TLN2: variants seen among roughly 807,000 people sequenced by gnomAD.
The protein encoded by TLN2 is talin 2, also known as talin-2.
In TLN2, 118 loss-of-function variants were observed where a neutral mutation model predicts 294.7. The observed-to-expected ratio is 0.40, with a 90% CI of 0.34 to 0.47. The LOEUF (loss-of-function observed/expected upper bound fraction) is 0.47. Ranked by LOEUF, TLN2 falls within the 20% of genes least tolerant of loss-of-function variation. The pLI, the probability that TLN2 is intolerant of heterozygous loss-of-function variation, is 0.84. For missense variants in TLN2, 3,083 were observed against 3,282.2 expected (o/e 0.94, Z 1.48); for synonymous variants, 1,431 against 1,304.5 (o/e 1.10, Z -2.09).
intron 1 of TLN2, among the ~76,000 whole-genome samples, chr15:62,477,891 G>C (rs112456246): frequency 6.7e-6 from 1 of 148,942 alleles, no homozygotes; most frequent in South Asian, 2.2e-4. Context: ...GGCAGGTGGT[G>C]GGGGGGATGG....
chr15:62,790,853 G>T (rs890434653), intron 45 of TLN2, among the ~76,000 whole-genome samples: 1 of 152,234 alleles, frequency 6.6e-6, no homozygotes, highest in African/African-American at 2.4e-5. Context: ...CGCCTCAGCG[G>T]CAGCCATACT....
At chr15:62,594,067 A>C (rs149154354) in intron 2 of TLN2, among the ~76,000 whole-genome samples, 12 of 152,372 alleles carry the variant, frequency 7.9e-5, no homozygotes, top group Non-Finnish European at 1.5e-4. Flanking sequence ...GCATTATACT[A>C]CCTTACCTCA....
At chr15:62,603,032 A>G (rs749711513) in intron 2 of TLN2, among the ~76,000 whole-genome samples, 31 of 152,004 alleles carry the variant, frequency 2.0e-4, no homozygotes, top group Non-Finnish European at 2.5e-4. Flanking sequence ...AGCTGGGACT[A>G]CAAGCGCCAG....
At chr15:62,795,802 T>TAGGA (rs1235221990) in intron 46 of TLN2, among the ~76,000 whole-genome samples, 1 of 152,246 alleles carries the variant, frequency 6.6e-6, no homozygotes, top group African/African-American at 2.4e-5. Context: ...GAGTACTTAC[T>TAGGA]ATGTGCCAAA....
intron 1 of TLN2, among the ~76,000 whole-genome samples, chr15:62,533,188 A>T (rs939194570): frequency 7.3e-6 from 1 of 137,098 alleles, no homozygotes; most frequent in Non-Finnish European, 1.5e-5. Context: ...CGGGAGGCAG[A>T]GGTTACAGTG....
intron 2 of TLN2, among the ~76,000 whole-genome samples, chr15:62,617,516 C>CG (rs1280458806): frequency 6.6e-6 from 1 of 152,116 alleles, no homozygotes; most frequent in Non-Finnish European, 1.5e-5. Context: ...GTAACAGAAG[C>CG]GGGGGGTACA....
chr15:62,392,029 G>A (rs1033812296), intron 1 of TLN2, among the ~76,000 whole-genome samples: 1 of 152,280 alleles, frequency 6.6e-6, no homozygotes, highest in Admixed American at 6.5e-5. Context: ...ATCAGGACCA[G>A]GGCCTGGCCT....
chr15:62,797,357 C>A lies in TLN2; in HGVS notation c.6189C>A (p.Val2063=). 6.2e-7 allele frequency: 1 copy of A among 1,612,984 alleles called. No individual in the cohort carries two copies. Among genetic ancestry groups the A allele is most frequent in the East Asian group, 2.2e-5 (1 of 44,864 alleles). The change falls in exon 48 of 59, where the codon GTC becomes GTA. Residue 2063 remains valine (V), a synonymous_variant. Coordinates refer to ENST00000636159, the MANE Select transcript of TLN2 (RefSeq NM_015059.3). ...CCATCACCCAGCTCGCAGAAGTGGTCAAGCTGGGGGCAGCCAGCCTGGGCT... is the reference window on the plus strand; with the variant it reads ...CCATCACCCAGCTCGCAGAAGTGGTAAAGCTGGGGGCAGCCAGCCTGGGCT... The part of the protein sequence containing the change: ...AATITQLAEV[V]KLGAASLGSD...
intron 41 of TLN2, among the ~76,000 whole-genome samples, chr15:62,768,581 A>C (rs2063163171): frequency 6.6e-6 from 1 of 152,208 alleles, no homozygotes; most frequent in South Asian, 2.1e-4. Context: ...TTGAGGGGCC[A>C]CCATTCAGTC....
At chr15:62,741,748 C>CGCGTGTGTGTGTGTGT in intron 32 of TLN2, among the ~76,000 whole-genome samples, 134 of 131,142 alleles carry the variant, frequency 1.0e-3, no homozygotes, top group Admixed American at 1.4e-3. Context: ...AAAATTTGCG[C>CGCGTGTGTGTGTGTGT]GTGTGTGTGT....
At chr15:62,533,169 G>A (rs750180549) in intron 1 of TLN2, among the ~76,000 whole-genome samples, 4 of 147,210 alleles carry the variant, frequency 2.7e-5, no homozygotes, top group Non-Finnish European at 4.5e-5. Context: ...CAGGAGAATC[G>A]CTTGAACCCG....
At chr15:62,434,294 A>T (rs1042959223) in intron 1 of TLN2, among the ~76,000 whole-genome samples, 2 of 152,146 alleles carry the variant, frequency 1.3e-5, no homozygotes, top group East Asian at 3.9e-4. Flanking sequence ...TGTGTACTTA[A>T]GCATCTTACT....
chr15:62,417,199 A>G (rs2034132391), intron 1 of TLN2, among the ~76,000 whole-genome samples: 1 of 152,124 alleles, frequency 6.6e-6, no homozygotes, highest in Non-Finnish European at 1.5e-5. Flanking sequence ...TGCTCTTCCT[A>G]TCTGGCTTAT....
chr15:62,633,813 C>G (rs2050137036), intron 3 of TLN2, among the ~76,000 whole-genome samples: 3 of 152,154 alleles, frequency 2.0e-5, no homozygotes, highest in Non-Finnish European at 4.4e-5. Context: ...GCTTAAATAA[C>G]AAAAATTTAT....
chr15:62,520,019 T>C (rs2040379987), intron 1 of TLN2, among the ~76,000 whole-genome samples: 1 of 152,210 alleles, frequency 6.6e-6, no homozygotes, highest in Non-Finnish European at 1.5e-5. Context: ...CAAGAGACAG[T>C]GAGGACCAGG....
chr15:62,545,514 T>TTGTGTGTGTGTGTGTGTGTGTGTGTGTG (rs56777565), intron 1 of TLN2, among the ~76,000 whole-genome samples: 1 of 145,944 alleles, frequency 6.9e-6, no homozygotes, highest in African/African-American at 2.5e-5. Context: ...TTCTTTCTCT[T>TTGTGTGTGTGTGTGTGTGTGTGTGTGTG]TGTGTGTGTG....
chr15:62,707,786 T>C (rs2059160649), intron 20 of TLN2, among the ~76,000 whole-genome samples: 1 of 152,070 alleles, frequency 6.6e-6, no homozygotes, highest in Admixed American at 6.6e-5. Context: ...GTCAGTAGGT[T>C]AAGGCCACAG....
At chr15:62,714,144 A>G (rs1041710797) in intron 22 of TLN2, among the ~76,000 whole-genome samples, 1 of 151,190 alleles carries the variant, frequency 6.6e-6, no homozygotes, top group Non-Finnish European at 1.5e-5. Flanking sequence ...ATAAAAGATG[A>G]ATGCTAATGC....
At position 62,707,221 on chromosome 15, in the gene TLN2, C is replaced by T; in HGVS notation, c.2140C>T (p.Leu714Phe). 6.2e-7 allele frequency: 1 copy of T among 1,613,232 alleles called. No homozygotes were observed. The highest frequency in any genetic ancestry group is 8.5e-7 in the Non-Finnish European group (1 of 1,179,444). Residue 714 changes from leucine (L) to phenylalanine (F), a missense_variant, in exon 20 of 59, where the codon CTC becomes TTC. By Grantham distance (22) the Leu-to-Phe change is conservative (BLOSUM62 0). Transcript: ENST00000636159. ...AATTGCTGCTGCCACCCAGTGTGCC[C>T]TCTCCACCTCCCAGCTTGTGGCATG... ...RVIAAATQCA[L>F]STSQLVACAK... is the part of the protein sequence containing the mutation.
Sources: allele counts gnomAD v4.1 joint callset (sites outside exome capture counted in the v4.1 genomes callset), GRCh38; gene constraint gnomAD v4.1.1; transcripts MANE v1.5; gene names NCBI Gene and HGNC (gene_info 2026-07-23, HGNC 2026-07-21).